Variants in COPG2 observed in about 807,000 individuals in gnomAD.
The protein encoded by COPG2 is coatomer subunit gamma-2.
COPG2 carries 37 observed loss-of-function variants against 46.3 expected under a neutral mutation model. The ratio of observed to expected loss-of-function variants is 0.80; its 90% confidence interval spans 0.61 to 1.05. The LOEUF is 1.05. Ranked by LOEUF, COPG2 falls within the 50% of genes least tolerant of loss-of-function variation. The probability of loss-of-function intolerance (pLI) is 0.00; values close to 1 mark genes in which losing one functional copy is unlikely to be tolerated. For synonymous variants in COPG2, 159 were observed against 129.7 expected, an observed-to-expected ratio of 1.23 and a Z score of -1.53; for missense variants, 427 against 387.8, an observed-to-expected ratio of 1.10 and a Z score of -0.85.
chr7:130,619,469 A>G (rs1795002078), intron 5 of COPG2, among the ~76,000 whole-genome samples: 1 of 152,204 alleles, frequency 6.6e-6, no homozygotes, highest in African/African-American at 2.4e-5. Context: ...AAAAAAATTA[A>G]TGCACGTAAG....
At position 130,607,392 on chromosome 7, in the gene COPG2, T is replaced by C. The variant is rs1230386041; in HGVS notation, c.737+3561A>G. 6 of 424,434 alleles carry C rather than the reference T, an allele frequency of 1.4e-5. 1 individual carries two copies. The highest frequency in any genetic ancestry group is 1.1e-4 in the Admixed American group (4 of 36,310). 26.3% of individuals were successfully genotyped at this position (424,434 alleles called of 1,614,324 possible). A position where few individuals can be genotyped will look rare whatever the true frequency, so the allele number is the denominator to read the frequency against. On this transcript the variant is annotated intron_variant, in intron 9 of 23. Coordinates refer to ENST00000425248, the MANE Select transcript of COPG2 (RefSeq NM_012133.6). ...ATTGATTGCTTTTTCTCTTGGCTAC[T>C]AGTCACATTTTCCAAATTCTTTGTA...
intron 9 of COPG2, among the ~76,000 whole-genome samples, chr7:130,604,461 C>T (rs1432388155): frequency 6.6e-6 from 1 of 151,794 alleles, no homozygotes; most frequent in Non-Finnish European, 1.5e-5. Flanking sequence ...TAAATTGTAC[C>T]ATTTTTACAA....
chr7:130,537,057 C>G, intron 20 of COPG2, among the ~76,000 whole-genome samples: 1 of 152,026 alleles, frequency 6.6e-6, no homozygotes. Flanking sequence ...TCAGGCAGGG[C>G]AGGAGAGTCA....
intron 9 of COPG2, among the ~76,000 whole-genome samples, chr7:130,579,538 A>G (rs1358529181): frequency 6.6e-6 from 1 of 152,160 alleles, no homozygotes; most frequent in Non-Finnish European, 1.5e-5. Flanking sequence ...GCTCCAATTA[A>G]AAGACACAGA....
At chr7:130,614,000 T>C (rs1794902963) in intron 6 of COPG2, among the ~76,000 whole-genome samples, 1 of 152,226 alleles carries the variant, frequency 6.6e-6, no homozygotes, top group Non-Finnish European at 1.5e-5. Context: ...TTTGAAGTTA[T>C]GAAGATTCCT....
chr7:130,629,362 C>T (rs1795180933), intron 5 of COPG2, among the ~76,000 whole-genome samples: 1 of 150,512 alleles, frequency 6.6e-6, no homozygotes, highest in African/African-American at 2.4e-5. Flanking sequence ...AATGCTTTCT[C>T]TCTCCTTTCT....
At chr7:130,553,351 T>C (rs1793563816) in intron 14 of COPG2, among the ~76,000 whole-genome samples, 1 of 152,042 alleles carries the variant, frequency 6.6e-6, no homozygotes, top group African/African-American at 2.4e-5. Context: ...CTTTTTTTTT[T>C]AGCAGAGTGT....
At chr7:130,562,552 C>T (rs1348882619) in intron 11 of COPG2, among the ~76,000 whole-genome samples, 2 of 151,966 alleles carry the variant, frequency 1.3e-5, no homozygotes, top group African/African-American at 2.4e-5. Context: ...TTCTGTGTTT[C>T]TGTATTATAT....
chr7:130,564,336 C>T lies in COPG2; in HGVS notation c.795G>A (p.Met265Ile). 2.5e-6 allele frequency: 1 copy of T among 398,562 alleles called. No homozygotes were observed. The highest frequency in any genetic ancestry group is 4.4e-6 in the Non-Finnish European group (1 of 226,030). The allele number at this position is 398,562 out of a possible 1,614,324, so 24.7% of individuals were successfully genotyped here. The change falls in exon 10 of 24, where the codon ATG (methionine) becomes ATA (isoleucine). Residue 265 changes from methionine (M) to isoleucine (I), a missense_variant. By Grantham distance (10) the Met-to-Ile change is conservative. Coordinates refer to ENST00000425248, the MANE Select transcript of COPG2 (RefSeq NM_012133.6). Reference protein sequence around the residue: ...IESCLRNKHEMVIYEAASAII... With the variant: ...IESCLRNKHEIVIYEAASAII... ...TAGCTGAAGCAGCTTCATAAATAACCATTTCATGTTTATTTCGCAAGCAGC... is the reference window on the plus strand; with the variant it reads ...TAGCTGAAGCAGCTTCATAAATAACTATTTCATGTTTATTTCGCAAGCAGC...
intron 9 of COPG2, among the ~76,000 whole-genome samples, chr7:130,569,796 C>T (rs999107892): frequency 1.8e-4 from 27 of 152,192 alleles, no homozygotes; most frequent in African/African-American, 6.3e-4. Flanking sequence ...AACACAGACA[C>T]AGAAATCCTC....
intron 9 of COPG2, among the ~76,000 whole-genome samples, chr7:130,579,289 A>G (rs1794083221): frequency 1.3e-5 from 2 of 149,116 alleles, no homozygotes; most frequent in South Asian, 4.4e-4. Context: ...TTTACAGACA[A>G]GCAAATGCTG....
At chr7:130,606,184 C>T (rs1794724341) in intron 9 of COPG2, among the ~76,000 whole-genome samples, 1 of 150,028 alleles carries the variant, frequency 6.7e-6, no homozygotes, top group Non-Finnish European at 1.5e-5. Context: ...TGAGACTGTG[C>T]CACTGTACTC....
At chr7:130,665,370 T>C (rs1331707082) in intron 3 of COPG2, among the ~76,000 whole-genome samples, 2 of 152,192 alleles carry the variant, frequency 1.3e-5, no homozygotes, top group Non-Finnish European at 2.9e-5. Context: ...GGTATATATG[T>C]ATGTTTTATG....
intron 5 of COPG2, among the ~76,000 whole-genome samples, chr7:130,631,409 C>T (rs567488666): frequency 2.0e-5 from 3 of 152,222 alleles, no homozygotes; most frequent in East Asian, 3.9e-4. Context: ...CCACCTGCCT[C>T]GGTCTCCCAG....
At chr7:130,611,187 G>C in intron 8 of COPG2, 77 bp from the exon 9 acceptor site, 1 of 1,322,996 alleles carries the variant, frequency 7.6e-7, no homozygotes, top group Non-Finnish European at 1.0e-6. Context: ...GAATTACACG[G>C]AACTAGATTA....
chr7:130,653,043 G>T, intron 4 of COPG2, 95 bp from the exon 5 acceptor site: 1 of 732,042 alleles, frequency 1.4e-6, no homozygotes, highest in South Asian at 1.9e-5. Flanking sequence ...ATATATTTTA[G>T]AAAGATATTC....
At position 130,550,565 on chromosome 7, in the gene COPG2, G is replaced by C; in HGVS notation, c.1733C>G (p.Ser578Ter). Residue 578 changes from serine to a stop codon, truncating the protein, a stop_gained, in exon 17 of 24, where the codon TCA becomes TGA. Coordinates refer to ENST00000425248, the MANE Select transcript of COPG2 (RefSeq NM_012133.6). LOFTEE classifies it high-confidence loss of function. The part of the protein sequence containing the change: ...EPSEKPFDMK[S>*]IPLAMAPVFE... Reference sequence around the variant, plus strand: ...GACAGGAGCCATAGCAAGAGGAATTGATTTCATGTCAAACGGTTTTTCTGA... The same window carrying C: ...GACAGGAGCCATAGCAAGAGGAATTCATTTCATGTCAAACGGTTTTTCTGA... The C allele has an allele frequency of 2.5e-6, 1 of 398,152 alleles. No individual in the cohort carries two copies. Among genetic ancestry groups the C allele is most frequent in the Non-Finnish European group, 4.4e-6 (1 of 225,842 alleles). The allele number at this position is 398,152 out of a possible 1,614,324, so 24.7% of individuals were successfully genotyped here. A position where few individuals can be genotyped will look rare whatever the true frequency, so the allele number is the denominator to read the frequency against.
At chr7:130,623,086 T>A (rs896876851) in intron 5 of COPG2, among the ~76,000 whole-genome samples, 1 of 152,144 alleles carries the variant, frequency 6.6e-6, no homozygotes, top group East Asian at 1.9e-4. Flanking sequence ...TTCTCTGACA[T>A]GGGAGTGTCA....
intron 20 of COPG2, among the ~76,000 whole-genome samples, chr7:130,518,607 G>A (rs1348040367): frequency 2.6e-5 from 4 of 152,126 alleles, no homozygotes; most frequent in Non-Finnish European, 5.9e-5. Context: ...TGCAAATAAA[G>A]GAAATTAGGA....
Sources: allele counts gnomAD v4.1 joint callset (sites outside exome capture counted in the v4.1 genomes callset), GRCh38; gene constraint gnomAD v4.1.1; transcripts MANE v1.5; gene names NCBI Gene and HGNC (gene_info 2026-07-23, HGNC 2026-07-21).